The following DDAH1 variants were observed in gnomAD, a reference collection of about 807,000 sequenced individuals.
The protein encoded by DDAH1 is dimethylarginine dimethylaminohydrolase 1.
DDAH1 carries 19 observed loss-of-function variants against 28.8 expected under a neutral mutation model. The observed-to-expected ratio is 0.66, with a 90% CI of 0.46 to 0.97. DDAH1 has a LOEUF of 0.97. Among genes scored for constraint, DDAH1 ranks in the 50% least tolerant of loss-of-function variants. The pLI is 0.00. For missense variants in DDAH1, 326 were observed against 375.9 expected (o/e 0.87, Z 1.10); for synonymous variants, 153 against 154.4 (o/e 0.99, Z 0.07).
At chr1:85,404,428 C>A (rs1248346677) in intron 1 of DDAH1, 1 of 1,533,736 alleles carries the variant, frequency 6.5e-7, no homozygotes, top group African/African-American at 1.4e-5. Context: ...TTTTGGGAAG[C>A]AGTTCCTCCG....
chr1:85,349,029 G>A (rs1316641990), intron 4 of DDAH1, among the ~76,000 whole-genome samples: 2 of 152,174 alleles, frequency 1.3e-5, no homozygotes, highest in Non-Finnish European at 2.9e-5. Flanking sequence ...ACCACGGATA[G>A]ATACCACAGT....
chr1:85,547,497 T>C (rs1442924233), intron 1 of DDAH1, among the ~76,000 whole-genome samples: 1 of 152,200 alleles, frequency 6.6e-6, no homozygotes, highest in African/African-American at 2.4e-5. Context: ...TCACAGGGCT[T>C]CACAAATACT....
At chr1:85,514,399 G>A (rs1403939970) in intron 1 of DDAH1, among the ~76,000 whole-genome samples, 1 of 151,946 alleles carries the variant, frequency 6.6e-6, no homozygotes, top group Non-Finnish European at 1.5e-5. Flanking sequence ...TTGGGAGCTG[G>A]GGGATAGCAT....
chr1:85,533,332 T>TC (rs1177928475), intron 1 of DDAH1, among the ~76,000 whole-genome samples: 1 of 152,176 alleles, frequency 6.6e-6, no homozygotes, highest in African/African-American at 2.4e-5. Flanking sequence ...GTATTTTTTT[T>TC]CTCTTCTTTT....
chr1:85,377,998 T>A (rs189878038), intron 1 of DDAH1, among the ~76,000 whole-genome samples: 1 of 152,230 alleles, frequency 6.6e-6, no homozygotes, highest in Non-Finnish European at 1.5e-5. Flanking sequence ...GAATATTTTA[T>A]AAGTGACTTA....
At chr1:85,384,624 T>G (rs141905221) in intron 1 of DDAH1, among the ~76,000 whole-genome samples, 1 of 152,348 alleles carries the variant, frequency 6.6e-6, no homozygotes, top group Non-Finnish European at 1.5e-5. Context: ...GCAGTTAATC[T>G]TTCATGATGG....
chr1:85,366,507 A>C (rs573209778), intron 1 of DDAH1, among the ~76,000 whole-genome samples: 11 of 152,336 alleles, frequency 7.2e-5, no homozygotes, highest in African/African-American at 2.2e-4. Flanking sequence ...CGGAGGGCAC[A>C]AAGCTTAAAA....
At chr1:85,513,565 AC>A (rs1233749223) in intron 1 of DDAH1, among the ~76,000 whole-genome samples, 1 of 152,208 alleles carries the variant, frequency 6.6e-6, no homozygotes, top group East Asian at 1.9e-4. Flanking sequence ...TGAACAGGCA[AC>A]CTACAGAGTG....
chr1:85,534,843 A>G (rs1258993957), intron 1 of DDAH1, among the ~76,000 whole-genome samples: 1 of 152,126 alleles, frequency 6.6e-6, no homozygotes, highest in Non-Finnish European at 1.5e-5. Context: ...TCTTTTCTCC[A>G]TGTATAATTA....
intron 2 of DDAH1, chr1:85,495,765 G>A (rs1375395313): frequency 6.6e-6 from 1 of 152,236 alleles, no homozygotes; most frequent in East Asian, 1.9e-4. Context: ...GTGGACTGGA[G>A]AGACACTCCC....
intron 1 of DDAH1, among the ~76,000 whole-genome samples, chr1:85,544,393 A>G (rs994361443): frequency 6.6e-6 from 1 of 152,154 alleles, no homozygotes. Context: ...TAGATACATG[A>G]ATTGAATTGC....
intron 1 of DDAH1, among the ~76,000 whole-genome samples, chr1:85,537,105 C>T (rs1184627091): frequency 6.6e-6 from 1 of 151,300 alleles, no homozygotes; most frequent in Non-Finnish European, 1.5e-5. Flanking sequence ...CTTTGGGAGG[C>T]TGAGGTGGGC....
chr1:85,477,660 T>G (rs973626154), intron 2 of DDAH1, among the ~76,000 whole-genome samples: 5 of 151,940 alleles, frequency 3.3e-5, no homozygotes, highest in Admixed American at 3.3e-4. Context: ...ATGCATATAC[T>G]ATCTCTACTA....
chr1:85,573,262 T>G (rs1484361355), intron 1 of DDAH1, among the ~76,000 whole-genome samples: 2 of 152,242 alleles, frequency 1.3e-5, no homozygotes, highest in Non-Finnish European at 2.9e-5. Flanking sequence ...TCATCTACTG[T>G]GCCCAGAGCA....
At chr1:85,328,663 C>T (rs1647569072) in intron 4 of DDAH1, among the ~76,000 whole-genome samples, 2 of 152,218 alleles carry the variant, frequency 1.3e-5, no homozygotes, top group South Asian at 4.1e-4. Context: ...ACTGGGGAGG[C>T]AGTTCTCTGA....
chr1:85,421,783 A>C (rs1261965666), intron 1 of DDAH1, among the ~76,000 whole-genome samples: 1 of 152,184 alleles, frequency 6.6e-6, no homozygotes, highest in Non-Finnish European at 1.5e-5. Context: ...ATTTCTTATG[A>C]TGAAAAATAT....
At chr1:85,367,903 T>C (rs1650159529) in intron 1 of DDAH1, among the ~76,000 whole-genome samples, 1 of 152,118 alleles carries the variant, frequency 6.6e-6, no homozygotes, top group Non-Finnish European at 1.5e-5. Flanking sequence ...ATATATAAGA[T>C]TTTTCATTTT....
chr1:85,503,776 A>G (rs1656910709), intron 1 of DDAH1, among the ~76,000 whole-genome samples: 1 of 152,184 alleles, frequency 6.6e-6, no homozygotes, highest in African/African-American at 2.4e-5. Flanking sequence ...GGGATAGGAA[A>G]TAGTGGCAGG....
intron 4 of DDAH1, among the ~76,000 whole-genome samples, chr1:85,325,348 C>T (rs569832767): frequency 5.6e-4 from 76 of 135,178 alleles, no homozygotes; most frequent in Non-Finnish European, 1.0e-3. Context: ...TGTGCATGCA[C>T]GTGCGTGCGC....
Sources: allele counts gnomAD v4.1 joint callset (sites outside exome capture counted in the v4.1 genomes callset), GRCh38; gene constraint gnomAD v4.1.1; transcripts MANE v1.5; gene names NCBI Gene and HGNC (gene_info 2026-07-23, HGNC 2026-07-21).